HERC1: variants seen among roughly 807,000 people sequenced by gnomAD.
HERC1 encodes probable E3 ubiquitin-protein ligase HERC1.
HERC1 carries 160 observed loss-of-function variants against 554.3 expected under a neutral mutation model. The observed-to-expected ratio is 0.29, with a 90% CI of 0.25 to 0.33. The LOEUF (loss-of-function observed/expected upper bound fraction) is 0.33, where lower values mean the gene tolerates loss of function less well. Among genes scored for constraint, HERC1 ranks in the 10% least tolerant of loss-of-function variants. HERC1 has a pLI of 1.00. For missense variants in HERC1, 4,919 were observed against 5,918.5 expected (o/e 0.83, Z 5.54); for synonymous variants, 2,175 against 2,131.7 (o/e 1.02, Z -0.56).
chr15:63,743,364 C>A (rs1367673283), intron 12 of HERC1, among the ~76,000 whole-genome samples: 1 of 148,678 alleles, frequency 6.7e-6, no homozygotes, highest in African/African-American at 2.5e-5. Context: ...CAGGTTCAAG[C>A]GATTCTCCTG....
intron 50 of HERC1, 132 bp downstream of exon 50, chr15:63,655,610 A>G: frequency 1.6e-6 from 1 of 629,452 alleles, no homozygotes; most frequent in Non-Finnish European, 2.7e-6. Flanking sequence ...AAAAGTATCT[A>G]TGCACTTCTT....
chr15:63,833,872 G>A lies in HERC1; in HGVS notation c.-72C>T, dbSNP rs1231585678. 3 of 152,784 alleles carry A rather than the reference G, an allele frequency of 2.0e-5. No homozygotes were observed. The highest frequency in any genetic ancestry group is 7.2e-5 in the African/African-American group (3 of 41,438). 9.5% of individuals were successfully genotyped at this position (152,784 alleles called of 1,614,324 possible). On this transcript the variant is annotated 5_prime_UTR_variant, in exon 1 of 78. Coordinates refer to ENST00000443617, the MANE Select transcript of HERC1 (RefSeq NM_003922.4). ...GTGGGGCGCGGCTCCGGCGACCCGA[G>A]CCCGGCTCCGCAGAGGCTGCGGCGG... is the stretch of plus-strand genomic sequence containing the variant.
chr15:63,821,166 A>T (rs1314295296), intron 1 of HERC1, among the ~76,000 whole-genome samples: 2 of 152,142 alleles, frequency 1.3e-5, no homozygotes, highest in Non-Finnish European at 2.9e-5. Flanking sequence ...TCATGCCTAT[A>T]ATCCCAGCAC....
chr15:63,833,753 G>GCGCGCACACACACACACACACA (rs1340096449), intron 1 of HERC1, 74 bp downstream of exon 1: 4 of 46,456 alleles, frequency 8.6e-5, no homozygotes, highest in African/African-American at 2.3e-4. Flanking sequence ...ACGCGCGCGC[G>GCGCGCACACACACACACACACA]CACACACACA....
chr15:63,711,025 A>G (rs1284475465), intron 24 of HERC1, among the ~76,000 whole-genome samples: 3 of 152,200 alleles, frequency 2.0e-5, no homozygotes, highest in Non-Finnish European at 4.4e-5. Context: ...GACATGATCT[A>G]TGTTTCAAAA....
intron 1 of HERC1, among the ~76,000 whole-genome samples, chr15:63,818,652 G>GA (rs1366065259): frequency 6.6e-6 from 1 of 152,058 alleles, no homozygotes; most frequent in East Asian, 1.9e-4. Context: ...TGAGAGTTTT[G>GA]AAAAATCCTT....
intron 33 of HERC1, 62 bp downstream of exon 33, chr15:63,689,527 A>G: frequency 1.1e-6 from 1 of 881,688 alleles, no homozygotes; most frequent in East Asian, 2.7e-5. Flanking sequence ...AGGCATTCAG[A>G]GACAAGTGAC....
chr15:63,634,742 C>A lies in HERC1; in HGVS notation c.12561G>T (p.Gln4187His). ...TTGATTTATTCCATGCCTGTCCAAT[C>A]TGATATCCCTCCAGTGCAGTCACTC... ...PERVTALEGYQIGQVACGLNH... is the reference protein window; with the variant it reads ...PERVTALEGYHIGQVACGLNH... Residue 4187 changes from glutamine to histidine, a missense_variant, in exon 66 of 78, where the codon CAG becomes CAT. Transcript: ENST00000443617. 2 of 1,612,352 alleles carry A rather than the reference C, an allele frequency of 1.2e-6. No homozygotes were observed. Among genetic ancestry groups the A allele is most frequent in the East Asian group, 4.5e-5 (2 of 44,840 alleles).
intron 12 of HERC1, among the ~76,000 whole-genome samples, chr15:63,739,441 C>A (rs959429375): frequency 6.6e-6 from 1 of 150,976 alleles, no homozygotes; most frequent in African/African-American, 2.4e-5. Flanking sequence ...AAGTGATCTA[C>A]CCTCCTCGGC....
intron 39 of HERC1, among the ~76,000 whole-genome samples, chr15:63,670,320 C>T (rs1198876346): frequency 2.0e-5 from 3 of 152,128 alleles, no homozygotes; most frequent in African/African-American, 2.4e-5. Context: ...GAGGGAGAAC[C>T]CCTCTTCAGT....
chr15:63,814,083 C>A (rs868379723), intron 1 of HERC1, among the ~76,000 whole-genome samples: 15 of 151,636 alleles, frequency 9.9e-5, no homozygotes, highest in Non-Finnish European at 1.8e-4. Flanking sequence ...CAAACAACAA[C>A]AAAAAAAGAG....
chr15:63,811,723 G>A (rs1418669228), intron 1 of HERC1, among the ~76,000 whole-genome samples: 1 of 150,894 alleles, frequency 6.6e-6, no homozygotes, highest in Non-Finnish European at 1.5e-5. Context: ...GCAGGAGAAT[G>A]GCGTGAACCC....
chr15:63,810,841 A>G (rs1285989444), intron 1 of HERC1, among the ~76,000 whole-genome samples: 2 of 152,204 alleles, frequency 1.3e-5, no homozygotes. Context: ...ACCTATAAAG[A>G]AGGAAAATGG....
At position 63,821,555 on chromosome 15, in the gene HERC1, A is replaced by C. The variant is rs1334961195; in HGVS notation, c.-27+12272T>G. On this transcript the variant is annotated intron_variant, in intron 1 of 77. Coordinates refer to ENST00000443617, the MANE Select transcript of HERC1 (RefSeq NM_003922.4). ...TGGTAACAGAGTGAGACTCTGTCTC[A>C]AAAAAAAAAAAAAAAAAAAATGTAG... 4.7e-4 allele frequency among the ~76,000 whole-genome samples: 43 copies of C among 91,224 alleles called. 1 individual carries two copies. The highest frequency in any genetic ancestry group is 3.9e-3 in the Admixed American group (39 of 9,982). 59.8% of individuals were successfully genotyped at this position (91,224 alleles called of 152,430 possible).
Position 63,694,163 on chromosome 15 carries a change from T to A in HERC1, c.5481-6A>T. Reference sequence around the variant, plus strand: ...TCAGTTTATCAGCATAGGTCCTATGTGAAATAAAAGAAAAAAATAAGTGGC... The same window carrying A: ...TCAGTTTATCAGCATAGGTCCTATGAGAAATAAAAGAAAAAAATAAGTGGC... On this transcript the variant is annotated splice_polypyrimidine_tract_variant and splice_region_variant and intron_variant, in intron 29 of 77. Transcript: ENST00000443617. The surrounding 1 kb of genome is among the most constrained non-coding windows in gnomAD (Gnocchi z 4.3). 6.3e-7 allele frequency: 1 copy of A among 1,587,752 alleles called. No homozygotes were observed. Among genetic ancestry groups the A allele is most frequent in the Non-Finnish European group, 8.6e-7 (1 of 1,167,976 alleles).
intron 1 of HERC1, among the ~76,000 whole-genome samples, chr15:63,815,566 G>A (rs944358279): frequency 6.6e-6 from 1 of 152,176 alleles, no homozygotes; most frequent in African/African-American, 2.4e-5. Flanking sequence ...ATGCTTACAG[G>A]CTAAGATGAA....
intron 1 of HERC1, among the ~76,000 whole-genome samples, chr15:63,809,171 C>A (rs2077222168): frequency 6.6e-6 from 1 of 152,146 alleles, no homozygotes; most frequent in East Asian, 1.9e-4. Flanking sequence ...AGGGGGAAGA[C>A]ACAATAGTAT....
At position 63,638,436 on chromosome 15, in the gene HERC1, G is replaced by A. The variant is rs1347443313; in HGVS notation, c.12068C>T (p.Ala4023Val). 4.3e-6 allele frequency: 7 copies of A among 1,613,574 alleles called. No individual in the cohort carries two copies. The African/African-American group carries it at 8.0e-5, about 18-fold the overall frequency. ...AGRNVMVPAAAPSFSQAQQVI... is the reference protein window; with the variant it reads ...AGRNVMVPAAVPSFSQAQQVI... ...CTGTTGGGCCTGTGAGAATGAGGGAGCTGCTGCAGGTACCATTACATTTCT... is the reference window on the plus strand; with the variant it reads ...CTGTTGGGCCTGTGAGAATGAGGGAACTGCTGCAGGTACCATTACATTTCT... Residue 4023 changes from alanine (A) to valine (V), a missense_variant, in exon 63 of 78, where the codon GCT becomes GTT. Physicochemically the swap from Ala to Val is moderately conservative, Grantham distance 64. This residue lies in a region of HERC1 where 122 missense variants were observed against 195.2 expected (regional missense o/e 0.63). Transcript: ENST00000443617.
chr15:63,665,385 G>A (rs1237198003), intron 42 of HERC1, among the ~76,000 whole-genome samples: 1 of 151,976 alleles, frequency 6.6e-6, no homozygotes, highest in Admixed American at 6.6e-5. Context: ...TACAAAAAAT[G>A]AGCCGGGCAT....
Sources: gnomAD v4.1 joint callset for allele counts (sites outside exome capture counted in the v4.1 genomes callset) on GRCh38, gnomAD v4.1.1 for gene constraint, gnomAD v4.1.1 regional missense constraint, Gnocchi (gnomAD v3.1) non-coding constraint, MANE v1.5 for transcripts, NCBI Gene and HGNC (gene_info 2026-07-23, HGNC 2026-07-21) for gene names.